The following PCDH9 variants were observed in gnomAD, a reference collection of about 807,000 sequenced individuals.
The protein encoded by PCDH9 is protocadherin 9.
A neutral mutation model predicts 70.6 loss-of-function variants in PCDH9; 24 were observed. The ratio of observed to expected loss-of-function variants is 0.34; its 90% CI spans 0.25 to 0.48. PCDH9 has a LOEUF of 0.48. PCDH9 is among the 20% of genes least tolerant of loss of function. PCDH9 has a pLI of 0.99. For missense variants in PCDH9, 1,281 were observed against 1,503.6 expected, an observed-to-expected ratio of 0.85 and a Z score of 2.45; for synonymous variants, 562 against 558.5, an observed-to-expected ratio of 1.01 and a Z score of -0.09.
At chr13:66,422,917 C>A (rs561268212) in intron 4 of PCDH9, among the ~76,000 whole-genome samples, 94 of 151,892 alleles carry the variant, frequency 6.2e-4, no homozygotes, top group African/African-American at 2.2e-3. Flanking sequence ...GCTAGCCAGA[C>A]TAATAAAGAA....
chr13:66,382,143 G>T (rs1024897043), intron 4 of PCDH9, among the ~76,000 whole-genome samples: 1 of 152,150 alleles, frequency 6.6e-6, no homozygotes, highest in African/African-American at 2.4e-5. Flanking sequence ...TTACAGCTAT[G>T]CTTAAAAGTG....
chr13:66,734,194 G>A (rs1273423533), intron 3 of PCDH9, among the ~76,000 whole-genome samples: 2 of 152,146 alleles, frequency 1.3e-5, no homozygotes, highest in Non-Finnish European at 2.9e-5. Context: ...CAATTAATCA[G>A]TTATGCCTAC....
intron 3 of PCDH9, among the ~76,000 whole-genome samples, chr13:66,868,189 A>G (rs1359821261): frequency 6.6e-6 from 1 of 152,056 alleles, no homozygotes; most frequent in Non-Finnish European, 1.5e-5. Flanking sequence ...TGTAATATGC[A>G]GTACAAATTT....
chr13:67,126,118 A>C (rs1211687761), intron 2 of PCDH9, among the ~76,000 whole-genome samples: 1 of 152,174 alleles, frequency 6.6e-6, no homozygotes, highest in Non-Finnish European at 1.5e-5. Flanking sequence ...AGTGGTCATG[A>C]TTCAAATTGA....
At chr13:66,435,805 G>T (rs1957858793) in intron 4 of PCDH9, among the ~76,000 whole-genome samples, 1 of 151,998 alleles carries the variant, frequency 6.6e-6, no homozygotes, top group South Asian at 2.1e-4. Context: ...TCTTTATTAA[G>T]ATTTCATGGC....
intron 4 of PCDH9, among the ~76,000 whole-genome samples, chr13:66,618,851 A>G (rs1168609650): frequency 6.6e-6 from 1 of 152,174 alleles, no homozygotes; most frequent in Admixed American, 6.5e-5. Context: ...GACAGCAGCT[A>G]TGGAAATGAG....
intron 2 of PCDH9, among the ~76,000 whole-genome samples, chr13:67,111,148 T>C (rs1419604109): frequency 1.3e-5 from 2 of 152,220 alleles, no homozygotes; most frequent in Non-Finnish European, 2.9e-5. Context: ...AGATTCTAAT[T>C]ATATGTGCAT....
chr13:67,087,336 T>C (rs1374368999), intron 2 of PCDH9, among the ~76,000 whole-genome samples: 1 of 152,080 alleles, frequency 6.6e-6, no homozygotes, highest in Admixed American at 6.6e-5. Context: ...ATATGCTCCA[T>C]GACAGCAAAG....
At chr13:67,062,668 T>C (rs1401175227) in intron 2 of PCDH9, among the ~76,000 whole-genome samples, 2 of 152,162 alleles carry the variant, frequency 1.3e-5, no homozygotes, top group Non-Finnish European at 2.9e-5. Context: ...ACTTGCAAAA[T>C]TGTATACAGA....
At chr13:66,564,415 T>G (rs1226136730) in intron 4 of PCDH9, among the ~76,000 whole-genome samples, 2 of 152,176 alleles carry the variant, frequency 1.3e-5, no homozygotes, top group East Asian at 3.9e-4. Context: ...ATTCTCTCCC[T>G]TTGACCTCTC....
chr13:67,170,005 C>A (rs1160546762), intron 2 of PCDH9, among the ~76,000 whole-genome samples: 1 of 152,182 alleles, frequency 6.6e-6, no homozygotes, highest in Non-Finnish European at 1.5e-5. Context: ...TGCTTCTCCT[C>A]CTCCTTTTTT....
intron 4 of PCDH9, among the ~76,000 whole-genome samples, chr13:66,383,232 G>A (rs1956876846): frequency 6.6e-6 from 1 of 152,146 alleles, no homozygotes; most frequent in Non-Finnish European, 1.5e-5. Context: ...AAAATGGCAT[G>A]CCTCCGTATG....
chr13:66,361,375 T>C (rs367994926), intron 4 of PCDH9, among the ~76,000 whole-genome samples: 1 of 152,300 alleles, frequency 6.6e-6, no homozygotes, highest in South Asian at 2.1e-4. Flanking sequence ...TAATTATTCA[T>C]TCAAATTAAT....
Position 66,521,578 on chromosome 13 carries a change from A to G in PCDH9, c.3340+109632T>C, listed in dbSNP as rs533370956. 2.0e-5 allele frequency among the ~76,000 whole-genome samples: 3 copies of G among 152,250 alleles called. No individual in the cohort carries two copies. The South Asian group carries it at 6.2e-4, about 32-fold the overall frequency. On this transcript the variant is annotated intron_variant, in intron 4 of 4. Coordinates refer to ENST00000377865, the MANE Select transcript of PCDH9 (RefSeq NM_203487.3). ...GTTATAGTGTGTGAAAATATGGAAG[A>G]TTCTGCTATATTGCTGAAGCCTCAG...
At chr13:66,398,527 T>C (rs908857715) in intron 4 of PCDH9, among the ~76,000 whole-genome samples, 1 of 152,132 alleles carries the variant, frequency 6.6e-6, no homozygotes, top group Non-Finnish European at 1.5e-5. Flanking sequence ...CTCACAGATA[T>C]GTTAAATTGG....
Position 67,228,216 on chromosome 13 carries a change from C to T in PCDH9, c.225G>A (p.Leu75=), listed in dbSNP as rs749248866. ...RLVSKAGDAP[L]VKVSSSTGEI... Reference sequence around the variant, plus strand: ...CCCCAGTGCTGCTGGAAACTTTCACCAAAGGGGCATCCCCAGCTTTAGAAA... The same window carrying T: ...CCCCAGTGCTGCTGGAAACTTTCACTAAAGGGGCATCCCCAGCTTTAGAAA... The change falls in exon 2 of 5, where the codon TTG becomes TTA. Residue 75 remains leucine, a synonymous_variant. Coordinates refer to ENST00000377865, the MANE Select transcript of PCDH9 (RefSeq NM_203487.3). The T allele has an allele frequency of 5.0e-6, 8 of 1,612,298 alleles. No homozygotes were observed. Among genetic ancestry groups the T allele is most frequent in the Admixed American group, 3.3e-5 (2 of 59,778 alleles).
chr13:66,524,548 T>C (rs1960133036), intron 4 of PCDH9, among the ~76,000 whole-genome samples: 1 of 152,044 alleles, frequency 6.6e-6, no homozygotes, highest in Non-Finnish European at 1.5e-5. Context: ...TCTCACTTTT[T>C]TCAGCTAAAG....
chr13:67,152,816 T>A (rs1314272661), intron 2 of PCDH9, among the ~76,000 whole-genome samples: 4 of 152,154 alleles, frequency 2.6e-5, no homozygotes, highest in African/African-American at 9.7e-5. Context: ...GGAGTAAGAA[T>A]GAGGAAGATG....
At chr13:66,564,490 G>T (rs992326349) in intron 4 of PCDH9, among the ~76,000 whole-genome samples, 3 of 151,870 alleles carry the variant, frequency 2.0e-5, no homozygotes, top group African/African-American at 4.8e-5. Context: ...ATAATGGCTT[G>T]GTAAAAAATT....
Sources: gnomAD v4.1 joint callset for allele counts (sites outside exome capture counted in the v4.1 genomes callset) on GRCh38, gnomAD v4.1.1 for gene constraint, MANE v1.5 for transcripts, NCBI Gene and HGNC (gene_info 2026-07-23, HGNC 2026-07-21) for gene names.